Variants in TOX observed in about 807,000 individuals in gnomAD.
TOX encodes the protein thymocyte selection-associated high mobility group box protein TOX.
Under a neutral mutation model 53.7 loss-of-function variants are expected in TOX, and 11 were observed. That is an observed-to-expected ratio of 0.20 (90% CI 0.13 to 0.34). The LOEUF (loss-of-function observed/expected upper bound fraction) is 0.34. Ranked by LOEUF, TOX falls within the 10% of genes least tolerant of loss-of-function variation. The pLI is 1.00. For synonymous variants in TOX, 225 were observed against 245.3 expected (o/e 0.92, Z 0.77); for missense variants, 570 against 664.6 (o/e 0.86, Z 1.56).
intron 1 of TOX, among the ~76,000 whole-genome samples, chr8:58,969,915 T>C (rs1812972611): frequency 6.6e-6 from 1 of 152,212 alleles, no homozygotes; most frequent in Non-Finnish European, 1.5e-5. Flanking sequence ...TCTTACTTTC[T>C]GGAATGTCAC....
At chr8:58,835,986 T>C (rs1459371739) in intron 5 of TOX, among the ~76,000 whole-genome samples, 1 of 152,192 alleles carries the variant, frequency 6.6e-6, no homozygotes, top group Admixed American at 6.5e-5. Flanking sequence ...TGAACAAGAA[T>C]TGCTGTACCC....
At chr8:58,967,695 A>G (rs1278300097) in intron 1 of TOX, among the ~76,000 whole-genome samples, 1 of 152,200 alleles carries the variant, frequency 6.6e-6, no homozygotes, top group East Asian at 1.9e-4. Flanking sequence ...TATGTCCCTC[A>G]TGCCCAGCAA....
At chr8:59,076,403 T>C (rs909450288) in intron 1 of TOX, among the ~76,000 whole-genome samples, 1 of 152,234 alleles carries the variant, frequency 6.6e-6, no homozygotes, top group East Asian at 1.9e-4. Flanking sequence ...GCTTCTCAAG[T>C]CTGGCTTTGC....
chr8:59,002,913 A>T (rs1813721243), intron 1 of TOX, among the ~76,000 whole-genome samples: 1 of 152,234 alleles, frequency 6.6e-6, no homozygotes, highest in Non-Finnish European at 1.5e-5. Context: ...CAGGTGAAAC[A>T]CAAGGGGTAT....
At chr8:59,102,319 C>T (rs1429787133) in intron 1 of TOX, among the ~76,000 whole-genome samples, 2 of 152,074 alleles carry the variant, frequency 1.3e-5, no homozygotes, top group Admixed American at 1.3e-4. Context: ...CCTCTACCTC[C>T]TGGGTTCAAG....
At chr8:59,084,455 C>T (rs527540079) in intron 1 of TOX, among the ~76,000 whole-genome samples, 14 of 152,202 alleles carry the variant, frequency 9.2e-5, no homozygotes, top group African/African-American at 2.9e-4. Flanking sequence ...TACACCTATC[C>T]ATGCAAATAT....
chr8:59,078,240 G>T (rs1323280066), intron 1 of TOX, among the ~76,000 whole-genome samples: 1 of 152,204 alleles, frequency 6.6e-6, no homozygotes, highest in Non-Finnish European at 1.5e-5. Flanking sequence ...GCAAGTATCT[G>T]CTAGGGAGAC....
intron 3 of TOX, among the ~76,000 whole-genome samples, chr8:58,889,225 A>C (rs916841985): frequency 2.3e-4 from 35 of 151,118 alleles, no homozygotes; most frequent in Admixed American, 6.6e-4. Flanking sequence ...AAAAAAAAAA[A>C]AAAAAAACAA....
intron 6 of TOX, among the ~76,000 whole-genome samples, chr8:58,826,086 A>C (rs1477203988): frequency 6.6e-6 from 1 of 152,248 alleles, no homozygotes; most frequent in Non-Finnish European, 1.5e-5. Context: ...CTTTAGAGTT[A>C]CAATGAGTCT....
chr8:58,858,136 TA>T (rs1563371774), intron 3 of TOX, among the ~76,000 whole-genome samples: 1 of 152,106 alleles, frequency 6.6e-6, no homozygotes, highest in Non-Finnish European at 1.5e-5. Context: ...TTATTATTTT[TA>T]AAAAATGAGT....
intron 3 of TOX, among the ~76,000 whole-genome samples, chr8:58,874,166 G>A (rs914236744): frequency 1.3e-5 from 2 of 151,240 alleles, no homozygotes; most frequent in African/African-American, 4.9e-5. Flanking sequence ...TCTAAGTGCT[G>A]GAAGTGTGCT....
At chr8:59,044,667 T>C (rs1384726741) in intron 1 of TOX, among the ~76,000 whole-genome samples, 1 of 152,222 alleles carries the variant, frequency 6.6e-6, no homozygotes, top group Non-Finnish European at 1.5e-5. Context: ...TTTTTTATTG[T>C]GTTAAAATAG....
chr8:58,980,949 T>C (rs550574114), intron 1 of TOX, among the ~76,000 whole-genome samples: 144 of 152,288 alleles, frequency 9.5e-4, no homozygotes, highest in African/African-American at 2.8e-3. Flanking sequence ...TTCCACATTT[T>C]CTCTCTCCTA....
rs1392454856 is a variant in TOX, at chr8:58,975,934, T to C, written c.103-15926A>G. Among the ~76,000 whole-genome samples the C allele has an allele frequency of 4.6e-5, 7 of 152,180 alleles. No individual in the cohort carries two copies. The East Asian group carries it at 1.4e-3, about 29-fold the overall frequency. ...TAAAAATACAAAAATTAGCCAGGCG[T>C]GATGGCGTGTGCCTGTAGTCCCAGC... On this transcript the variant is annotated intron_variant, in intron 1 of 8. Transcript: ENST00000361421.
chr8:58,892,419 T>C (rs1469803657), intron 3 of TOX, among the ~76,000 whole-genome samples: 1 of 152,184 alleles, frequency 6.6e-6, no homozygotes, highest in African/African-American at 2.4e-5. Flanking sequence ...CAGTGGGTAC[T>C]GTAACAGTTA....
At chr8:58,878,997 G>A (rs1167184307) in intron 3 of TOX, among the ~76,000 whole-genome samples, 1 of 149,544 alleles carries the variant, frequency 6.7e-6, no homozygotes. Flanking sequence ...GGAGGCAGAG[G>A]TTGCAGTGAG....
intron 5 of TOX, among the ~76,000 whole-genome samples, chr8:58,830,789 T>C (rs1056243628): frequency 7.9e-5 from 12 of 152,200 alleles, no homozygotes; most frequent in African/African-American, 2.9e-4. Flanking sequence ...ACTAAAGGCA[T>C]TCTTCATTCT....
chr8:58,965,894 GTTTT>G (rs67045037), intron 1 of TOX, among the ~76,000 whole-genome samples: 127 of 49,562 alleles, frequency 2.6e-3, no homozygotes, highest in African/African-American at 8.5e-3. Flanking sequence ...ACGAGTCATC[GTTTT>G]TTTTTTTTTT....
At chr8:59,084,500 A>G (rs1341048535) in intron 1 of TOX, among the ~76,000 whole-genome samples, 1 of 152,216 alleles carries the variant, frequency 6.6e-6, no homozygotes, top group Non-Finnish European at 1.5e-5. Context: ...TTCGTAGGTA[A>G]TAACTTTCTA....
Sources: gnomAD v4.1 joint callset for allele counts (sites outside exome capture counted in the v4.1 genomes callset) on GRCh38, gnomAD v4.1.1 for gene constraint, MANE v1.5 for transcripts, NCBI Gene and HGNC (gene_info 2026-07-23, HGNC 2026-07-21) for gene names.